ARHGAP24: variants seen among roughly 807,000 people sequenced by gnomAD.
The protein encoded by ARHGAP24 is Rho GTPase activating protein 24, also known as rho GTPase-activating protein 24.
Under a neutral mutation model 76.4 loss-of-function variants are expected in ARHGAP24, and 50 were observed. That is an observed-to-expected ratio of 0.65 (90% CI 0.52 to 0.83). ARHGAP24 has a LOEUF of 0.83. Among genes scored for constraint, ARHGAP24 ranks in the 40% least tolerant of loss-of-function variants. The pLI is 0.00. For synonymous variants in ARHGAP24, 345 were observed against 323.3 expected, an observed-to-expected ratio of 1.07 and a Z score of -0.72; for missense variants, 930 against 914.2, an observed-to-expected ratio of 1.02 and a Z score of -0.22.
chr4:85,799,089 A>G (rs1728476810), intron 3 of ARHGAP24, among the ~76,000 whole-genome samples: 3 of 152,236 alleles, frequency 2.0e-5, no homozygotes, highest in Admixed American at 6.5e-5. Flanking sequence ...ATGTGTGCAC[A>G]TGAATTAGCA....
intron 3 of ARHGAP24, among the ~76,000 whole-genome samples, chr4:85,818,141 A>AC (rs1334092977): frequency 6.6e-6 from 1 of 152,228 alleles, no homozygotes; most frequent in East Asian, 1.9e-4. Flanking sequence ...ACAAAAAATA[A>AC]CCAAGTAGAA....
chr4:85,735,596 C>T (rs1333358150), intron 3 of ARHGAP24, among the ~76,000 whole-genome samples: 1 of 152,100 alleles, frequency 6.6e-6, no homozygotes, highest in Non-Finnish European at 1.5e-5. Context: ...TCTATTGTCC[C>T]TGTCTCTTAG....
At chr4:85,591,565 T>A (rs890606369) in intron 2 of ARHGAP24, among the ~76,000 whole-genome samples, 1 of 152,184 alleles carries the variant, frequency 6.6e-6, no homozygotes, top group African/African-American at 2.4e-5. Flanking sequence ...AGTCATTAGT[T>A]ACAAGTCACA....
chr4:85,968,645 A>C (rs1233722928), intron 5 of ARHGAP24, among the ~76,000 whole-genome samples: 1 of 152,110 alleles, frequency 6.6e-6, no homozygotes, highest in Non-Finnish European at 1.5e-5. Flanking sequence ...CCTGCTGACA[A>C]TTAGGACATG....
chr4:85,611,897 T>C (rs1390642115), intron 2 of ARHGAP24, among the ~76,000 whole-genome samples: 3 of 152,252 alleles, frequency 2.0e-5, no homozygotes, highest in Non-Finnish European at 1.5e-5. Flanking sequence ...TATTTAATTA[T>C]AATCCCCTAC....
chr4:85,749,107 A>G (rs980538123), intron 3 of ARHGAP24, among the ~76,000 whole-genome samples: 2 of 152,216 alleles, frequency 1.3e-5, no homozygotes, highest in African/African-American at 4.8e-5. Flanking sequence ...GAAGTGCTCT[A>G]TTGTGACTAA....
chr4:85,893,954 TGGGGGGA>T (rs1252293184), intron 3 of ARHGAP24, among the ~76,000 whole-genome samples: 5 of 53,162 alleles, frequency 9.4e-5, no homozygotes, highest in Non-Finnish European at 1.6e-4. Flanking sequence ...TGTGGTGGGG[TGGGGGGA>T]GGGGGGAGGG....
At chr4:85,547,725 T>G (rs1327256223) in intron 1 of ARHGAP24, among the ~76,000 whole-genome samples, 2 of 152,216 alleles carry the variant, frequency 1.3e-5, no homozygotes, top group East Asian at 3.8e-4. Context: ...CTTGAGCCAC[T>G]GTGCCTGGCT....
chr4:85,523,657 T>C (rs1470671524), intron 1 of ARHGAP24, among the ~76,000 whole-genome samples: 1 of 152,204 alleles, frequency 6.6e-6, no homozygotes, highest in Non-Finnish European at 1.5e-5. Context: ...CAAATTGCTC[T>C]GTAGCCATTG....
chr4:85,501,434 G>T (rs1723812271), intron 1 of ARHGAP24, among the ~76,000 whole-genome samples: 1 of 152,180 alleles, frequency 6.6e-6, no homozygotes, highest in African/African-American at 2.4e-5. Flanking sequence ...GCTTGAGATG[G>T]TATCTCATTG....
chr4:85,905,788 A>T (rs1734742600), intron 3 of ARHGAP24, among the ~76,000 whole-genome samples: 1 of 152,122 alleles, frequency 6.6e-6, no homozygotes. Flanking sequence ...TCCCACCCCC[A>T]TATTTAATGA....
intron 3 of ARHGAP24, among the ~76,000 whole-genome samples, chr4:85,740,536 T>C (rs1725783116): frequency 6.6e-6 from 1 of 152,228 alleles, no homozygotes; most frequent in African/African-American, 2.4e-5. Flanking sequence ...ATCTTTTTCA[T>C]ATCTATTACA....
intron 3 of ARHGAP24, among the ~76,000 whole-genome samples, chr4:85,763,240 AT>A (rs910426377): frequency 6.6e-6 from 1 of 152,062 alleles, no homozygotes; most frequent in Admixed American, 6.6e-5. Flanking sequence ...TGACTAGGCC[AT>A]TTTTTTTATA....
At chr4:85,998,721 C>CAAT (rs1560777579) in intron 9 of ARHGAP24, among the ~76,000 whole-genome samples, 1 of 152,154 alleles carries the variant, frequency 6.6e-6, no homozygotes, top group African/African-American at 2.4e-5. Flanking sequence ...TGAGCTAATT[C>CAAT]AATTCTGATA....
At chr4:85,864,613 T>A (rs1173479508) in intron 3 of ARHGAP24, among the ~76,000 whole-genome samples, 8 of 1,186 alleles carry the variant, frequency 6.7e-3, no homozygotes, top group African/African-American at 6.8e-3. Context: ...GAAAATCAGT[T>A]TTTTTTTTTT....
chr4:85,485,276 A>G (rs1483459113), intron 1 of ARHGAP24, among the ~76,000 whole-genome samples: 1 of 131,866 alleles, frequency 7.6e-6, no homozygotes, highest in Non-Finnish European at 1.5e-5. Context: ...TGAACCTGGG[A>G]GGTGGAGCTT....
chr4:85,972,263 G>A (rs746980797), intron 6 of ARHGAP24, 95 bp downstream of exon 6: 12 of 1,509,220 alleles, frequency 8.0e-6, no homozygotes, highest in Admixed American at 1.8e-5. Context: ...GCCCTATCCC[G>A]GTGTTACTCT....
At chr4:85,818,727 T>C (rs150080426) in intron 3 of ARHGAP24, among the ~76,000 whole-genome samples, 4 of 152,324 alleles carry the variant, frequency 2.6e-5, no homozygotes, top group African/African-American at 7.2e-5. Flanking sequence ...TATATTTTCA[T>C]TGGAGAGAAA....
At chr4:85,757,490 G>C (rs1726554033) in intron 3 of ARHGAP24, among the ~76,000 whole-genome samples, 1 of 151,944 alleles carries the variant, frequency 6.6e-6, no homozygotes, top group Non-Finnish European at 1.5e-5. Flanking sequence ...CCTTGCAATA[G>C]TTTGCTGAGA....
Sources: gnomAD v4.1 joint callset for allele counts (sites outside exome capture counted in the v4.1 genomes callset) on GRCh38, gnomAD v4.1.1 for gene constraint, MANE v1.5 for transcripts, NCBI Gene and HGNC (gene_info 2026-07-23, HGNC 2026-07-21) for gene names.